Variants in POLR3B observed in about 807,000 individuals in gnomAD.
POLR3B encodes the protein RNA polymerase III subunit B.
POLR3B carries 96 observed loss-of-function variants against 147.4 expected under a neutral mutation model. The observed-to-expected ratio is 0.65, with a 90% CI of 0.55 to 0.77. The LOEUF (loss-of-function observed/expected upper bound fraction) is 0.77, where lower values mean the gene tolerates loss of function less well. POLR3B is among the 30% of genes least tolerant of loss of function. The pLI, the probability that POLR3B is intolerant of heterozygous loss-of-function variation, is 0.00. For missense variants in POLR3B, 1,036 were observed against 1,413.5 expected (o/e 0.73, Z 4.28); for synonymous variants, 461 against 485.9 (o/e 0.95, Z 0.67).
chr12:106,420,663 A>C (rs1409065017), intron 12 of POLR3B, among the ~76,000 whole-genome samples: 1 of 152,236 alleles, frequency 6.6e-6, no homozygotes, highest in Admixed American at 6.5e-5. Flanking sequence ...AGAGCCACCT[A>C]GTCTGTTTTC....
At chr12:106,440,175 C>A (rs753275221) in intron 18 of POLR3B, among the ~76,000 whole-genome samples, 1 of 152,128 alleles carries the variant, frequency 6.6e-6, no homozygotes, top group Non-Finnish European at 1.5e-5. Context: ...TGTCTATTTC[C>A]GTCCTGACCC....
chr12:106,400,759 G>C (rs1196218807), intron 10 of POLR3B, among the ~76,000 whole-genome samples: 1 of 152,184 alleles, frequency 6.6e-6, no homozygotes, highest in Admixed American at 6.6e-5. Context: ...CAGAAATAAA[G>C]ATGGTCTTTG....
chr12:106,384,495 A>C (rs773504425), intron 9 of POLR3B, among the ~76,000 whole-genome samples: 1 of 152,186 alleles, frequency 6.6e-6, no homozygotes, highest in Non-Finnish European at 1.5e-5. Flanking sequence ...CAGAGTGGTA[A>C]AAACTTAGAA....
At chr12:106,477,327 GC>G (rs1266383169) in intron 23 of POLR3B, among the ~76,000 whole-genome samples, 1 of 115,274 alleles carries the variant, frequency 8.7e-6, no homozygotes, top group Non-Finnish European at 1.7e-5. Context: ...TTTTGTTTGT[GC>G]CCTGCCCCCA....
intron 19 of POLR3B, among the ~76,000 whole-genome samples, chr12:106,448,750 T>A (rs1024453690): frequency 1.1e-4 from 17 of 152,152 alleles, no homozygotes; most frequent in African/African-American, 3.6e-4. Context: ...CATTTTTTTT[T>A]AATTACAATA....
At chr12:106,436,751 G>A (rs923589292) in intron 16 of POLR3B, among the ~76,000 whole-genome samples, 1 of 152,110 alleles carries the variant, frequency 6.6e-6, no homozygotes, top group South Asian at 2.1e-4. Flanking sequence ...TCATTTTTGT[G>A]TTGCCTTTTC....
Position 106,387,855 on chromosome 12 carries a change from T to C in POLR3B, c.724-5176T>C, listed in dbSNP as rs563119467. 1.6e-4 allele frequency among the ~76,000 whole-genome samples: 24 copies of C among 152,340 alleles called. No homozygotes were observed. In the South Asian group the frequency reaches 4.6e-3, roughly 29 times the overall value. On this transcript the variant is annotated intron_variant, in intron 9 of 27. Coordinates refer to ENST00000228347, the MANE Select transcript of POLR3B (RefSeq NM_018082.6). ...TTGCTGTGAAGAGCAAACAGGATCA[T>C]GTATTTTTTGAAAAGTCCTGGAAGG...
intron 12 of POLR3B, among the ~76,000 whole-genome samples, chr12:106,417,320 G>C (rs1219082003): frequency 6.6e-6 from 1 of 152,162 alleles, no homozygotes; most frequent in East Asian, 1.9e-4. Flanking sequence ...AGTGTGGCTG[G>C]AGTGAGTGAG....
chr12:106,371,455 C>T (rs2036605835), intron 6 of POLR3B, among the ~76,000 whole-genome samples: 1 of 151,912 alleles, frequency 6.6e-6, no homozygotes, highest in African/African-American at 2.4e-5. Flanking sequence ...ACCCAAAGGA[C>T]TATAAATCAT....
intron 23 of POLR3B, among the ~76,000 whole-genome samples, chr12:106,482,545 G>T (rs976579888): frequency 3.5e-4 from 53 of 152,226 alleles, no homozygotes; most frequent in African/African-American, 1.2e-3. Flanking sequence ...AAAACAACCA[G>T]TTCCTGTGAG....
chr12:106,372,674 T>C (rs2136892223), intron 6 of POLR3B, among the ~76,000 whole-genome samples: 1 of 152,256 alleles, frequency 6.6e-6, no homozygotes, highest in Non-Finnish European at 1.5e-5. Flanking sequence ...TGCTTTGACC[T>C]CTATTTCTTA....
chr12:106,501,646 C>G (rs569143453), intron 26 of POLR3B, among the ~76,000 whole-genome samples: 1 of 152,300 alleles, frequency 6.6e-6, no homozygotes, highest in Admixed American at 6.5e-5. Context: ...CAAGAGCAAA[C>G]CCACCATAGG....
chr12:106,427,122 A>T, intron 12 of POLR3B, 75 bp from the exon 13 acceptor site: 2 of 991,610 alleles, frequency 2.0e-6, no homozygotes, highest in Non-Finnish European at 3.0e-6. Context: ...TAAAAATCTT[A>T]AGACCTAAAA....
At chr12:106,497,413 G>A (rs957773549) in intron 25 of POLR3B, among the ~76,000 whole-genome samples, 10 of 152,052 alleles carry the variant, frequency 6.6e-5, no homozygotes, top group African/African-American at 2.4e-4. Context: ...CAAAGCTGGT[G>A]GATCGCCCAG....
intron 12 of POLR3B, among the ~76,000 whole-genome samples, chr12:106,420,978 T>C (rs1245982686): frequency 3.9e-5 from 6 of 152,166 alleles, no homozygotes; most frequent in Non-Finnish European, 7.4e-5. Flanking sequence ...AATTTTAAAG[T>C]TTTAAAATTA....
At chr12:106,403,701 A>T (rs1268319255) in intron 10 of POLR3B, among the ~76,000 whole-genome samples, 1 of 151,620 alleles carries the variant, frequency 6.6e-6, no homozygotes, top group Non-Finnish European at 1.5e-5. Context: ...TCAGCAAACT[A>T]TCGCAAGGAC....
intron 23 of POLR3B, among the ~76,000 whole-genome samples, chr12:106,479,896 C>T (rs1321040213): frequency 6.6e-6 from 1 of 150,840 alleles, no homozygotes; most frequent in Non-Finnish European, 1.5e-5. Flanking sequence ...TCACTGCATC[C>T]TCAACCTCCT....
chr12:106,485,089 G>T (rs1181645293), intron 23 of POLR3B, among the ~76,000 whole-genome samples: 2 of 152,196 alleles, frequency 1.3e-5, no homozygotes, highest in African/African-American at 4.8e-5. Context: ...CCACTGACTG[G>T]ATAATTTATA....
intron 19 of POLR3B, 85 bp downstream of exon 19, chr12:106,444,675 G>T: frequency 7.1e-7 from 1 of 1,418,214 alleles, no homozygotes; most frequent in Non-Finnish European, 9.8e-7. Context: ...TGCTTCACCA[G>T]TATTATATGT....
Sources: allele counts gnomAD v4.1 joint callset (sites outside exome capture counted in the v4.1 genomes callset), GRCh38; gene constraint gnomAD v4.1.1; transcripts MANE v1.5; gene names NCBI Gene and HGNC (gene_info 2026-07-23, HGNC 2026-07-21).